GRID2: variants seen among roughly 807,000 people sequenced by gnomAD.
The protein encoded by GRID2 is glutamate receptor ionotropic, delta-2.
GRID2 carries 33 observed loss-of-function variants against 114.8 expected under a neutral mutation model. That is an observed-to-expected ratio of 0.29 (90% confidence interval 0.22 to 0.38). GRID2 has a LOEUF of 0.38. GRID2 is among the 10% of genes least tolerant of loss of function. The pLI, the probability that GRID2 is intolerant of heterozygous loss-of-function variation, is 1.00. For missense variants in GRID2, 1,184 were observed against 1,257.7 expected, an observed-to-expected ratio of 0.94 and a Z score of 0.89; for synonymous variants, 505 against 449.9, an observed-to-expected ratio of 1.12 and a Z score of -1.55.
intron 1 of GRID2, among the ~76,000 whole-genome samples, chr4:92,463,709 T>G (rs1236554534): frequency 1.3e-5 from 2 of 151,962 alleles, no homozygotes; most frequent in Admixed American, 1.3e-4. Context: ...CAGCTTTTTT[T>G]TGTGTAGAGA....
chr4:93,097,434 TAAAAA>T (rs978486746), intron 3 of GRID2, among the ~76,000 whole-genome samples: 1 of 151,552 alleles, frequency 6.6e-6, no homozygotes, highest in East Asian at 1.9e-4. Context: ...TACTGAGTCA[TAAAAA>T]AAAGGTGAGA....
intron 2 of GRID2, among the ~76,000 whole-genome samples, chr4:92,987,514 A>G (rs913029652): frequency 4.6e-5 from 7 of 152,142 alleles, no homozygotes; most frequent in African/African-American, 1.7e-4. Flanking sequence ...TAATGGGTGC[A>G]GCACACCAAC....
At chr4:93,705,031 A>T (rs1727867490) in intron 14 of GRID2, among the ~76,000 whole-genome samples, 1 of 152,134 alleles carries the variant, frequency 6.6e-6, no homozygotes, top group Non-Finnish European at 1.5e-5. Flanking sequence ...CCTCTATACT[A>T]GTCTCCATAA....
At chr4:93,142,240 C>G (rs915819945) in intron 4 of GRID2, among the ~76,000 whole-genome samples, 1 of 152,110 alleles carries the variant, frequency 6.6e-6, no homozygotes. Flanking sequence ...ACCTACTTCT[C>G]TTTTAATTTT....
chr4:92,880,782 C>A (rs1018212975), intron 2 of GRID2, among the ~76,000 whole-genome samples: 2 of 152,130 alleles, frequency 1.3e-5, no homozygotes, highest in Non-Finnish European at 2.9e-5. Flanking sequence ...AGTGCAATGA[C>A]GCTATCTTGG....
chr4:93,043,459 G>T (rs181247829), intron 2 of GRID2, among the ~76,000 whole-genome samples: 1 of 152,234 alleles, frequency 6.6e-6, no homozygotes, highest in African/African-American at 2.4e-5. Flanking sequence ...AGAGCACAAA[G>T]TCAGTCTGCA....
At chr4:93,394,086 A>G (rs1282908857) in intron 8 of GRID2, among the ~76,000 whole-genome samples, 1 of 152,016 alleles carries the variant, frequency 6.6e-6, no homozygotes, top group Admixed American at 6.6e-5. Context: ...GTAATTAGAA[A>G]AAGCACACAT....
chr4:92,848,500 G>C (rs987913146), intron 2 of GRID2, among the ~76,000 whole-genome samples: 3 of 151,948 alleles, frequency 2.0e-5, no homozygotes, highest in Admixed American at 1.3e-4. Context: ...AGCAACAAAC[G>C]ATCATCATGA....
At chr4:92,710,997 T>C (rs1016363817) in intron 2 of GRID2, among the ~76,000 whole-genome samples, 3 of 152,016 alleles carry the variant, frequency 2.0e-5, no homozygotes, top group Non-Finnish European at 4.4e-5. Context: ...TATTTATTAT[T>C]TATAAATCTT....
intron 2 of GRID2, among the ~76,000 whole-genome samples, chr4:92,935,329 A>T (rs1750579897): frequency 1.4e-5 from 2 of 147,320 alleles, no homozygotes; most frequent in Admixed American, 7.3e-5. Context: ...TCAAAACCAC[A>T]ATGAGATACC....
At chr4:92,702,487 T>A (rs115642273) in intron 2 of GRID2, 1 of 152,062 alleles carries the variant, frequency 6.6e-6, no homozygotes, top group East Asian at 1.9e-4. Context: ...TTTCAACCAT[T>A]TGCTGATGCA....
intron 1 of GRID2, among the ~76,000 whole-genome samples, chr4:92,434,141 G>A (rs1579351930): frequency 6.6e-6 from 1 of 152,164 alleles, no homozygotes; most frequent in South Asian, 2.1e-4. Context: ...TTTTCCAAGT[G>A]GAGCGGCTAT....
chr4:93,375,115 T>C (rs1433462178), intron 8 of GRID2, among the ~76,000 whole-genome samples: 2 of 152,084 alleles, frequency 1.3e-5, no homozygotes, highest in Admixed American at 6.6e-5. Context: ...AATCCATCAC[T>C]GCAGCTTTCC....
chr4:93,120,073 G>T (rs1316362255), intron 4 of GRID2, among the ~76,000 whole-genome samples: 4 of 152,252 alleles, frequency 2.6e-5, no homozygotes, highest in East Asian at 1.9e-4. Context: ...TTAGAATGGC[G>T]ATCATTAAAA....
At chr4:92,717,492 AT>A (rs1205920198) in intron 2 of GRID2, among the ~76,000 whole-genome samples, 1 of 152,194 alleles carries the variant, frequency 6.6e-6, no homozygotes, top group African/African-American at 2.4e-5. Flanking sequence ...CATATTTAAT[AT>A]GCTAACCCAT....
rs547507350 is a variant in GRID2 at position 93,615,063 on chromosome 4, T to C, written c.2194-11206T>C. ...TCTTATCAAGCCTGCATTACGTTGA[T>C]TCTGGTGTCATTCCAATGTGATGAC... is the stretch of plus-strand genomic sequence containing the variant. On this transcript the variant is annotated intron_variant, in intron 13 of 15. Transcript: ENST00000282020. Among the ~76,000 whole-genome samples the C allele has an allele frequency of 1.2e-4, 18 of 152,324 alleles. No individual in the cohort carries two copies. In the South Asian group the frequency reaches 3.7e-3, roughly 32 times the overall value.
chr4:93,232,483 T>C (rs1430098729), intron 7 of GRID2, among the ~76,000 whole-genome samples: 1 of 150,854 alleles, frequency 6.6e-6, no homozygotes, highest in Non-Finnish European at 1.5e-5. Context: ...TATATTGATA[T>C]ATGTTGAGCC....
intron 2 of GRID2, among the ~76,000 whole-genome samples, chr4:92,738,987 A>G (rs1736736079): frequency 6.6e-6 from 1 of 152,184 alleles, no homozygotes; most frequent in Non-Finnish European, 1.5e-5. Context: ...TTAATAATTC[A>G]ACATCATCCA....
chr4:92,725,404 T>C (rs1298067473), intron 2 of GRID2, among the ~76,000 whole-genome samples: 1 of 152,180 alleles, frequency 6.6e-6, no homozygotes, highest in East Asian at 1.9e-4. Flanking sequence ...TGGAGAATAG[T>C]TGCACATAAT....
Sources: gnomAD v4.1 joint callset for allele counts (sites outside exome capture counted in the v4.1 genomes callset) on GRCh38, gnomAD v4.1.1 for gene constraint, MANE v1.5 for transcripts, NCBI Gene and HGNC (gene_info 2026-07-23, HGNC 2026-07-21) for gene names.